TAF1: variants seen among roughly 807,000 people sequenced by gnomAD.
TAF1 encodes the protein TATA-box binding protein associated factor 1.
Under a neutral mutation model 138.5 loss-of-function variants are expected in TAF1, and 2 were observed. The observed-to-expected ratio is 0.01, with a 90% confidence interval of 0.01 to 0.05. The LOEUF (loss-of-function observed/expected upper bound fraction) is 0.05, where lower values mean the gene tolerates loss of function less well. TAF1 is among the 10% of genes least tolerant of loss of function. The probability of loss-of-function intolerance (pLI) is 1.00; values close to 1 mark genes in which losing one functional copy is unlikely to be tolerated. For synonymous variants in TAF1, 437 were observed against 503.2 expected (o/e 0.87, Z 1.76); for missense variants, 709 against 1,478.0 (o/e 0.48, Z 8.53).
At chrX:71,434,844 G>A (rs1274178967) in intron 32 of TAF1, among the ~76,000 whole-genome samples, 1 of 112,592 alleles carries the variant, frequency 8.9e-6, no homozygotes, top group African/African-American at 3.2e-5. Context: ...ACAGTTAAAG[G>A]AGAGAGTCAT....
intron 15 of TAF1, 49 bp from the exon 16 acceptor site, chrX:71,388,188 C>T (rs771335142): frequency 1.7e-6 from 2 of 1,201,870 alleles, no homozygotes; most frequent in South Asian, 3.6e-5. Context: ...CTAGTGAGGA[C>T]TTTTATCCTT....
intron 7 of TAF1, 51 bp from the exon 8 acceptor site, chrX:71,378,773 C>T (rs1353837189): frequency 8.7e-7 from 1 of 1,155,812 alleles, no homozygotes; most frequent in Non-Finnish European, 1.2e-6. Flanking sequence ...GGAGTGGAAA[C>T]CTTGACCAGT....
At chrX:71,404,055 C>T (rs1354860373) in intron 25 of TAF1, among the ~76,000 whole-genome samples, 1 of 108,304 alleles carries the variant, frequency 9.2e-6, no homozygotes, top group Admixed American at 1.0e-4. Context: ...CTCACTGAAA[C>T]CTTTGCCTCC....
At position 71,377,597 on chromosome X, in the gene TAF1, T is replaced by C. The variant is rs1272767147; in HGVS notation, c.715-6T>C. ...CTGTGTCATAGTAATGTATTCTGTG[T>C]TCTAGGTGTTACGTTTTCTACGTCT... On this transcript the variant is annotated splice_region_variant and splice_polypyrimidine_tract_variant and intron_variant, in intron 5 of 37. Transcript: ENST00000423759. 8.3e-7 allele frequency: 1 copy of C among 1,210,042 alleles called. No homozygotes were observed. The highest frequency in any genetic ancestry group is 2.2e-5 in the Admixed American group (1 of 45,715).
rs1353604643 is a variant in TAF1 at position 71,397,374 on chromosome X, G to C, written c.3528G>C (p.Glu1176Asp). 8.3e-7 allele frequency: 1 copy of C among 1,211,878 alleles called. No homozygotes were observed. Among genetic ancestry groups the C allele is most frequent in the East Asian group, 3.0e-5 (1 of 33,861 alleles). The part of the protein sequence containing the change: ...LKIYRTFRDE[E>D]GKEYVRCETV... ...TTTATCGCACGTTTCGAGATGAAGA[G>C]GGGAAAGAGTATGTTCGCTGTGAGA... Residue 1176 changes from glutamate to aspartate, a missense_variant, in exon 23 of 38, where the codon GAG (glutamate) becomes GAC (aspartate). Physicochemically the swap from Glu to Asp is conservative, Grantham distance 45. Coordinates refer to ENST00000423759, the MANE Select transcript of TAF1 (RefSeq NM_004606.5).
Position 71,374,103 on chromosome X carries a change from T to G in TAF1, c.353-1064T>G, listed in dbSNP as rs1031665857. ...CTTTTCTTTCTTTCTTTTTTTTTTTTGAGACAGTTTCACTGTGTCGCCCAG... is the reference window on the plus strand; with the variant it reads ...CTTTTCTTTCTTTCTTTTTTTTTTTGGAGACAGTTTCACTGTGTCGCCCAG... On this transcript the variant is annotated intron_variant, in intron 3 of 37. Coordinates refer to ENST00000423759, the MANE Select transcript of TAF1 (RefSeq NM_004606.5). Among the ~76,000 whole-genome samples the G allele has an allele frequency of 3.6e-5, 4 of 110,893 alleles. No homozygotes were observed. The South Asian group carries it at 1.1e-3, about 31-fold the overall frequency.
chrX:71,512,018 A>C (rs1319659999), intron 13 of TAF1, among the ~76,000 whole-genome samples: 1 of 108,361 alleles, frequency 9.2e-6, no homozygotes, highest in African/African-American at 3.4e-5. Flanking sequence ...TTGTCTCAAA[A>C]AAAAAAAAAA....
chrX:71,382,307 C>T (rs771545021), intron 9 of TAF1, among the ~76,000 whole-genome samples: 2 of 107,062 alleles, frequency 1.9e-5, no homozygotes, highest in East Asian at 3.0e-4. Flanking sequence ...GTGTAGTTCA[C>T]TTAGTGAATC....
At chrX:71,436,769 A>T (rs1347893125) in intron 32 of TAF1, among the ~76,000 whole-genome samples, 1 of 112,094 alleles carries the variant, frequency 8.9e-6, no homozygotes, top group Non-Finnish European at 1.9e-5. Flanking sequence ...TAATTGTTTT[A>T]TCACAAAGGC....
At chrX:71,493,709 G>T (rs1448717287) in intron 13 of TAF1, among the ~76,000 whole-genome samples, 3 of 112,325 alleles carry the variant, frequency 2.7e-5, no homozygotes, top group African/African-American at 9.7e-5. Context: ...TCCACCGGGA[G>T]CAGTGGCTCA....
intron 28 of TAF1, chrX:71,416,650 A>T (rs1387381618): frequency 3.2e-6 from 1 of 315,430 alleles, no homozygotes; most frequent in African/African-American, 2.7e-5. Flanking sequence ...CACAAGGTCG[A>T]TAGAAAAGGG....
chrX:71,384,067 A>G lies in TAF1; in HGVS notation c.2053A>G (p.Ser685Gly). ...KDGDLILAEY[S>G]EENGPLMMQV... ...TGGTGATCTTATTCTTGCAGAATATAGTGAGGAAAATGGACCCTTAATGAT... is the reference window on the plus strand; with the variant it reads ...TGGTGATCTTATTCTTGCAGAATATGGTGAGGAAAATGGACCCTTAATGAT... The change falls in exon 13 of 38, where the codon AGT becomes GGT. Residue 685 changes from serine to glycine, a missense_variant. By Grantham distance (56) the Ser-to-Gly change is moderately conservative (BLOSUM62 0). Around this residue, in one of 14 missense-constraint regions of TAF1, gnomAD observed 201 missense variants for 421.3 expected, o/e 0.48. Transcript: ENST00000423759. 4 of 1,211,698 alleles carry G rather than the reference A, an allele frequency of 3.3e-6. No homozygotes were observed. Among genetic ancestry groups the G allele is most frequent in the Non-Finnish European group, 4.5e-6 (4 of 895,529 alleles).
intron 13 of TAF1, among the ~76,000 whole-genome samples, chrX:71,517,988 G>A (rs1450477408): frequency 9.1e-6 from 1 of 109,894 alleles, no homozygotes; most frequent in African/African-American, 3.3e-5. Context: ...TTAAGACTGG[G>A]CACAGTAGTC....
chrX:71,404,083 C>T lies in TAF1; in HGVS notation c.3998+2344C>T, dbSNP rs2035326293. On this transcript the variant is annotated intron_variant, in intron 25 of 37. Transcript: ENST00000423759. ...TTGCCTCCCGGGTTCAAGGGATTCT[C>T]CTGCCTCAGCCTCCCGAGTAGCTGG... Among the ~76,000 whole-genome samples, 2 of 109,092 alleles carry T rather than the reference C, an allele frequency of 1.8e-5. 1 individual carries two copies. Among genetic ancestry groups the T allele is most frequent in the South Asian group, 8.0e-4 (2 of 2,510 alleles). The allele number at this position is 109,092 out of a possible 115,157, so 94.7% of individuals were successfully genotyped here. A position where few individuals can be genotyped will look rare whatever the true frequency, so the allele number is the denominator to read the frequency against.
rs184010647 is a variant in TAF1, at chrX:71,524,348, G to C, written c.1367-4194G>C. ...CACCCAGTCTGTAATAGTTCTTATA[G>C]TGTTATAGTGAACACATATTACAAC... On this transcript the variant is annotated intron_variant and NMD_transcript_variant, in intron 13 of 14. Coordinates refer to the TAF1 transcript ENST00000373775. Among the ~76,000 whole-genome samples the C allele has an allele frequency of 1.2e-3, 131 of 110,761 alleles. 1 individual carries two copies. The highest frequency in any genetic ancestry group is 8.7e-3 in the South Asian group (23 of 2,629).
At chrX:71,503,944 G>A (rs1036681321) in intron 13 of TAF1, among the ~76,000 whole-genome samples, 1 of 110,560 alleles carries the variant, frequency 9.0e-6, no homozygotes, top group Non-Finnish European at 1.9e-5. Context: ...ATGAATCTAG[G>A]TGTTGCTGTA....
In TAF1 at chrX:71,457,723, T is replaced by C. The variant is rs897358432; in HGVS notation, c.4939-518T>C. On this transcript the variant is annotated intron_variant, in intron 34 of 37. Coordinates refer to ENST00000423759, the MANE Select transcript of TAF1 (RefSeq NM_004606.5). ...GTAATTTGTTACTCACTAGCAAGTG[T>C]TGGGGCCAGGACTCAAACCCAGGAC... Among the ~76,000 whole-genome samples the C allele has an allele frequency of 3.5e-4, 39 of 112,265 alleles. 1 individual carries two copies. Among genetic ancestry groups the C allele is most frequent in the Non-Finnish European group, 1.1e-4 (6 of 53,260 alleles).
At chrX:71,379,159 A>G in intron 8 of TAF1, 128 bp downstream of exon 8, 1 of 679,425 alleles carries the variant, frequency 1.5e-6, no homozygotes, top group Non-Finnish European at 2.1e-6. Flanking sequence ...CTTGTTGCCC[A>G]GGATGGAGTG....
intron 36 of TAF1, 83 bp from the exon 37 acceptor site, chrX:71,460,543 T>C (rs192922932): frequency 9.3e-7 from 1 of 1,074,905 alleles, no homozygotes; most frequent in East Asian, 3.1e-5. Context: ...TGAGAGTTAC[T>C]AGTTTGGGAA....
Sources: allele counts gnomAD v4.1 joint callset (sites outside exome capture counted in the v4.1 genomes callset), GRCh38; gene constraint gnomAD v4.1.1; regional missense constraint gnomAD v4.1.1; transcripts MANE v1.5; gene names NCBI Gene and HGNC (gene_info 2026-07-23, HGNC 2026-07-21).